PELI2: variants seen among roughly 807,000 people sequenced by gnomAD.
The protein encoded by PELI2 is E3 ubiquitin-protein ligase pellino homolog 2.
In PELI2, 23 loss-of-function variants were observed where a neutral mutation model predicts 42.3. The observed-to-expected ratio is 0.54, with a 90% confidence interval of 0.39 to 0.77. The LOEUF is 0.77. Ranked by LOEUF, PELI2 falls within the 30% of genes least tolerant of loss-of-function variation. The probability of loss-of-function intolerance (pLI) is 0.00; values close to 1 mark genes in which losing one functional copy is unlikely to be tolerated. For missense variants in PELI2, 463 were observed against 553.2 expected, an observed-to-expected ratio of 0.84 and a Z score of 1.64; for synonymous variants, 245 against 212.2, an observed-to-expected ratio of 1.15 and a Z score of -1.34.
intron 1 of PELI2, among the ~76,000 whole-genome samples, chr14:56,143,935 C>G (rs2880615): frequency 3.9e-5 from 6 of 152,024 alleles, no homozygotes; most frequent in African/African-American, 1.5e-4. Context: ...TAATTGAACT[C>G]ATTGCTACTG....
At chr14:56,121,771 T>C (rs8019376) in intron 1 of PELI2, among the ~76,000 whole-genome samples, 11,924 of 152,212 alleles carry the variant, frequency 0.078, 588 homozygotes, top group South Asian at 0.24. Context: ...CAAAATATGA[T>C]TGGATTAGGT....
rs1171359193 is a variant in PELI2 at position 56,299,867 on chromosome 14, A to G, written c.*2701A>G. ...AAAAGTCCCAGTGATGTATTCCCAT[A>G]GAAATATTTTTCAGTTGTTTATGTC... On this transcript the variant is annotated 3_prime_UTR_variant, in exon 6 of 6. Coordinates refer to ENST00000267460, the MANE Select transcript of PELI2 (RefSeq NM_021255.3). 1 of 152,340 alleles carries G rather than the reference A, an allele frequency of 6.6e-6. No homozygotes were observed. The highest frequency in any genetic ancestry group is 1.5e-5 in the Non-Finnish European group (1 of 68,022). 9.4% of individuals were successfully genotyped at this position (152,340 alleles called of 1,614,324 possible).
At position 56,118,751 on chromosome 14, in the gene PELI2, T is replaced by C. The variant is rs1214576944; in HGVS notation, c.77+14T>C. 1.4e-6 allele frequency: 2 copies of C among 1,471,978 alleles called. No individual in the cohort carries two copies. The highest frequency in any genetic ancestry group is 1.8e-6 in the Non-Finnish European group (2 of 1,101,896). The allele number at this position is 1,471,978 out of a possible 1,614,324, so 91.2% of individuals were successfully genotyped here. On this transcript the variant is annotated intron_variant, in intron 1 of 5. Coordinates refer to ENST00000267460, the MANE Select transcript of PELI2 (RefSeq NM_021255.3). Reference sequence around the variant, plus strand: ...GGTGGTGCTCGGGTGAGTCCTGGGGTCCCTGGTCCCGGGCAGCGGCGCGGG... The same window carrying C: ...GGTGGTGCTCGGGTGAGTCCTGGGGCCCCTGGTCCCGGGCAGCGGCGCGGG...
chr14:56,281,420 A>G (rs563988475), intron 3 of PELI2, among the ~76,000 whole-genome samples: 31 of 152,158 alleles, frequency 2.0e-4, no homozygotes, highest in Non-Finnish European at 3.5e-4. Flanking sequence ...ATGCACACAC[A>G]TAAACATAGG....
intron 2 of PELI2, among the ~76,000 whole-genome samples, chr14:56,218,053 A>C (rs550961908): frequency 6.6e-6 from 1 of 152,212 alleles, no homozygotes; most frequent in Non-Finnish European, 1.5e-5. Flanking sequence ...AAATTGAGGC[A>C]TAATGAGGAC....
intron 2 of PELI2, among the ~76,000 whole-genome samples, chr14:56,276,187 A>T (rs1205902622): frequency 1.3e-5 from 2 of 152,192 alleles, no homozygotes; most frequent in African/African-American, 4.8e-5. Flanking sequence ...GGAAAGTGAA[A>T]ATTGATCTCA....
At chr14:56,144,495 T>C (rs1367877464) in intron 1 of PELI2, among the ~76,000 whole-genome samples, 1 of 152,216 alleles carries the variant, frequency 6.6e-6, no homozygotes, top group Non-Finnish European at 1.5e-5. Context: ...CTCCTTTATG[T>C]AAATATAACT....
intron 2 of PELI2, among the ~76,000 whole-genome samples, chr14:56,199,887 T>C (rs766422240): frequency 4.6e-5 from 7 of 152,250 alleles, no homozygotes; most frequent in Non-Finnish European, 7.3e-5. Flanking sequence ...AATAAATCTT[T>C]GTTGACTTGA....
At chr14:56,138,845 C>G (rs749608193) in intron 1 of PELI2, among the ~76,000 whole-genome samples, 13 of 152,210 alleles carry the variant, frequency 8.5e-5, no homozygotes, top group Admixed American at 2.0e-4. Context: ...TGGAAACGCT[C>G]AGTTCAGGTT....
intron 1 of PELI2, among the ~76,000 whole-genome samples, chr14:56,156,804 T>G (rs746916607): frequency 7.2e-5 from 11 of 152,204 alleles, no homozygotes; most frequent in Non-Finnish European, 1.5e-4. Context: ...ACAATACGGA[T>G]CTATACAATG....
intron 1 of PELI2, among the ~76,000 whole-genome samples, chr14:56,171,120 A>C (rs1332563812): frequency 6.6e-6 from 1 of 152,148 alleles, no homozygotes; most frequent in Non-Finnish European, 1.5e-5. Flanking sequence ...CTATTCTACT[A>C]TACAAAAGAT....
In PELI2 at chr14:56,276,355, C is replaced by T. The variant is rs76542506; in HGVS notation, c.208-3321C>T. 3.5e-3 allele frequency among the ~76,000 whole-genome samples: 536 copies of T among 152,250 alleles called. 3 individuals carry two copies. Among genetic ancestry groups the T allele is most frequent in the Middle Eastern group, 0.01 (3 of 294 alleles). ...CGATGATCCTGCTGGTGGCCTTAGG[C>T]GCCCTGGTTTTTACTGCCACCAAAT... On this transcript the variant is annotated intron_variant, in intron 2 of 5. Coordinates refer to ENST00000267460, the MANE Select transcript of PELI2 (RefSeq NM_021255.3).
At chr14:56,269,105 G>A (rs1402595895) in intron 2 of PELI2, among the ~76,000 whole-genome samples, 1 of 152,124 alleles carries the variant, frequency 6.6e-6, no homozygotes, top group Admixed American at 6.6e-5. Flanking sequence ...GCTACACTTT[G>A]CCCCTGTTTT....
intron 2 of PELI2, among the ~76,000 whole-genome samples, chr14:56,214,167 T>A (rs1401906149): frequency 2.6e-5 from 4 of 152,150 alleles, no homozygotes; most frequent in African/African-American, 7.2e-5. Context: ...TGGTTGTTTT[T>A]AAAGACTCAT....
intron 1 of PELI2, among the ~76,000 whole-genome samples, chr14:56,162,074 A>T (rs965026504): frequency 6.6e-6 from 1 of 152,256 alleles, no homozygotes; most frequent in Non-Finnish European, 1.5e-5. Flanking sequence ...TAACCACATT[A>T]TGGAGAACAG....
intron 2 of PELI2, among the ~76,000 whole-genome samples, chr14:56,211,080 A>G (rs1372162776): frequency 6.6e-6 from 1 of 152,156 alleles, no homozygotes; most frequent in East Asian, 1.9e-4. Context: ...GTTTTAGCCC[A>G]CCGGTGGTAC....
chr14:56,267,931 A>G (rs184497261), intron 2 of PELI2, among the ~76,000 whole-genome samples: 1 of 152,296 alleles, frequency 6.6e-6, no homozygotes, highest in East Asian at 1.9e-4. Flanking sequence ...TTGACAGCTG[A>G]TAAACTGGCT....
intron 1 of PELI2, among the ~76,000 whole-genome samples, chr14:56,146,109 A>T (rs779768625): frequency 6.6e-6 from 1 of 152,232 alleles, no homozygotes; most frequent in Non-Finnish European, 1.5e-5. Flanking sequence ...GAGGTTTTTA[A>T]GTTCAGACTA....
chr14:56,147,134 CT>C (rs1182081159), intron 1 of PELI2, among the ~76,000 whole-genome samples: 1 of 152,164 alleles, frequency 6.6e-6, no homozygotes, highest in African/African-American at 2.4e-5. Flanking sequence ...ATCAGTACTT[CT>C]TTTTATGACC....
Sources: gnomAD v4.1 joint callset for allele counts (sites outside exome capture counted in the v4.1 genomes callset) on GRCh38, gnomAD v4.1.1 for gene constraint, MANE v1.5 for transcripts, NCBI Gene and HGNC (gene_info 2026-07-23, HGNC 2026-07-21) for gene names.